USP30: variants seen among roughly 807,000 people sequenced by gnomAD.
USP30 encodes the protein ubiquitin specific peptidase 30, also known as ubiquitin carboxyl-terminal hydrolase 30.
USP30 carries 41 observed loss-of-function variants against 68.2 expected under a neutral mutation model. The ratio of observed to expected loss-of-function variants is 0.60; its 90% CI spans 0.47 to 0.78. The LOEUF is 0.78. USP30 is among the 30% of genes least tolerant of loss of function. The pLI is 0.00. For missense variants in USP30, 522 were observed against 649.4 expected, an observed-to-expected ratio of 0.80 and a Z score of 2.13; for synonymous variants, 229 against 253.7, an observed-to-expected ratio of 0.90 and a Z score of 0.93.
chr12:109,034,321 A>C (rs545178467), intron 3 of USP30, among the ~76,000 whole-genome samples: 4 of 152,306 alleles, frequency 2.6e-5, no homozygotes, highest in African/African-American at 9.6e-5. Context: ...ATTCCATTGC[A>C]GTTAGAGAAC....
chr12:109,068,598 T>C lies in USP30; in HGVS notation c.480+971T>C, dbSNP rs1348706827. The stretch of plus-strand genomic sequence containing the variant: ...AAATACTTTTAAAATCCTCCTCTGG[T>C]AACTGGAATTATTTATCTACATTTT... On this transcript the variant is annotated intron_variant, in intron 4 of 12. Coordinates refer to ENST00000257548, the MANE Select transcript of USP30 (RefSeq NM_032663.5). 8.5e-5 allele frequency among the ~76,000 whole-genome samples: 13 copies of C among 152,230 alleles called. 1 individual carries two copies.
At chr12:109,081,291 T>G in intron 7 of USP30, 43 bp from the exon 8 acceptor site, 1 of 1,605,680 alleles carries the variant, frequency 6.2e-7, no homozygotes, top group Non-Finnish European at 8.5e-7. Flanking sequence ...AACTTTGAAC[T>G]AAGCCTAAAT....
intron 3 of USP30, among the ~76,000 whole-genome samples, chr12:109,028,360 T>G (rs1687238977): frequency 6.6e-6 from 1 of 152,146 alleles, no homozygotes. Flanking sequence ...AGCATGGCGC[T>G]GGCATCTGCT....
chr12:109,066,241 C>A, intron 3 of USP30, among the ~76,000 whole-genome samples: 1 of 109,914 alleles, frequency 9.1e-6, no homozygotes. Context: ...GAATGAGACC[C>A]TGTCTCAAAA....
At chr12:109,056,649 GAGGGAAGAC>G in intron 1 of USP30, 24 bp from the exon 2 acceptor site, 2 of 1,521,724 alleles carry the variant, frequency 1.3e-6, no homozygotes, top group Admixed American at 3.8e-5. Flanking sequence ...GTGTTTGTGT[GAGGGAAGAC>G]AGTAAACTTG....
chr12:109,041,885 T>A (rs1297764772), intron 3 of USP30, among the ~76,000 whole-genome samples: 1 of 152,086 alleles, frequency 6.6e-6, no homozygotes, highest in African/African-American at 2.4e-5. Flanking sequence ...AAAAATAGTT[T>A]GAATTACAAA....
intron 1 of USP30, among the ~76,000 whole-genome samples, chr12:109,053,230 C>T (rs866829475): frequency 1.3e-5 from 2 of 152,152 alleles, no homozygotes; most frequent in Admixed American, 1.3e-4. Context: ...CTGCGAGCCC[C>T]GCGTTTTGTT....
chr12:109,048,023 A>G (rs1377529728), upstream of USP30, among the ~76,000 whole-genome samples: 2 of 151,658 alleles, frequency 1.3e-5, no homozygotes, highest in Admixed American at 1.3e-4. Context: ...GGAGTTTTCC[A>G]GAGGCCGTAC....
intron 1 of USP30, among the ~76,000 whole-genome samples, chr12:109,055,400 A>ACATATATATATATATATATATATATATT (rs1555257267): frequency 8.2e-5 from 2 of 24,468 alleles, no homozygotes; most frequent in Non-Finnish European, 8.7e-5. Flanking sequence ...ATATATATAT[A>ACATATATATATATATATATATATATATT]TTTTTTTTTT....
intron 7 of USP30, among the ~76,000 whole-genome samples, chr12:109,077,868 A>G (rs1274671322): frequency 6.6e-6 from 1 of 151,750 alleles, no homozygotes; most frequent in Non-Finnish European, 1.5e-5. Flanking sequence ...ATGCAGTTTT[A>G]CCTTATCACA....
At chr12:109,023,749 C>T (rs375979876) in intron 1 of USP30, among the ~76,000 whole-genome samples, 2 of 150,736 alleles carry the variant, frequency 1.3e-5, no homozygotes, top group South Asian at 4.2e-4. Context: ...TTCTCTGCCT[C>T]GGCCTCCCAA....
chr12:109,046,264 G>T (rs1005725959), intron 3 of USP30, among the ~76,000 whole-genome samples: 5 of 151,640 alleles, frequency 3.3e-5, no homozygotes, highest in African/African-American at 1.2e-4. Flanking sequence ...ACCACACCTG[G>T]CTAATTTTTA....
intron 2 of USP30, chr12:109,025,122 A>C (rs2040435074): frequency 6.6e-6 from 1 of 152,206 alleles, no homozygotes; most frequent in African/African-American, 2.4e-5. Flanking sequence ...GCCCTTGGAC[A>C]TCAGAACTGC....
chr12:109,070,079 G>A lies in USP30; in HGVS notation c.481-1533G>A, dbSNP rs951818094. ...CATCAGCTTCTATTGTGTTTGCAGC[G>A]GGGAGCCACTAGAGGACTTTGAACT... is the stretch of plus-strand genomic sequence containing the variant. On this transcript the variant is annotated intron_variant, in intron 4 of 12. Coordinates refer to ENST00000257548, the MANE Select transcript of USP30 (RefSeq NM_032663.5). This position sits in a 1 kb window ranked among gnomAD's most constrained non-coding sequence, Gnocchi z 4.0. Among the ~76,000 whole-genome samples, 15 of 152,212 alleles carry A rather than the reference G, an allele frequency of 9.9e-5. No individual in the cohort carries two copies. In the East Asian group the frequency reaches 1.9e-3, roughly 20 times the overall value.
intron 3 of USP30, among the ~76,000 whole-genome samples, chr12:109,063,833 G>A (rs2041157158): frequency 6.6e-6 from 1 of 151,024 alleles, no homozygotes; most frequent in South Asian, 2.1e-4. Flanking sequence ...ATCTTTTTGG[G>A]AGAAATGTCT....
At chr12:109,054,481 A>T (rs1462496496) in intron 1 of USP30, among the ~76,000 whole-genome samples, 2 of 152,012 alleles carry the variant, frequency 1.3e-5, no homozygotes, top group Non-Finnish European at 2.9e-5. Flanking sequence ...AGATGGCACC[A>T]CTGCACTCCA....
chr12:109,085,044 C>T lies in USP30; in HGVS notation c.1260C>T (p.Pro420=), dbSNP rs969052318. The T allele has an allele frequency of 6.3e-7, 1 of 1,599,312 alleles. No individual in the cohort carries two copies. Among genetic ancestry groups the T allele is most frequent in the African/African-American group, 1.3e-5 (1 of 74,564 alleles). The change falls in exon 12 of 13, where the codon CCC becomes CCT. Residue 420 remains proline (P), a synonymous_variant. Coordinates refer to ENST00000257548, the MANE Select transcript of USP30 (RefSeq NM_032663.5). Reference sequence around the variant, plus strand: ...TGCCAACGCTGTCAGCGCCGATGCCCTTCCCTCTCCCAGTTGTTCCCGACT... The same window carrying T: ...TGCCAACGCTGTCAGCGCCGATGCCTTTCCCTCTCCCAGTTGTTCCCGACT... ...SLLPTLSAPM[P]FPLPVVPDYS... is the part of the protein sequence containing the mutation.
chr12:109,056,709 T>C lies in USP30; in HGVS notation c.111T>C (p.Val37=), dbSNP rs2040887172. The change falls in exon 2 of 13, where the codon GTT becomes GTC. Residue 37 remains valine, a synonymous_variant. Coordinates refer to ENST00000257548, the MANE Select transcript of USP30 (RefSeq NM_032663.5). ...ATAAAGTCATGAAGAACTGGGGAGT[T>C]ATAGGTGGAATTGCTGCTGCTCTTG... The part of the protein sequence containing the change: ...VRYKVMKNWG[V]IGGIAAALAA... 1 of 1,611,920 alleles carries C rather than the reference T, an allele frequency of 6.2e-7. No homozygotes were observed. Among genetic ancestry groups the C allele is most frequent in the African/African-American group, 1.3e-5 (1 of 74,802 alleles).
chr12:109,055,381 T>TATATATATATATATATAC, intron 1 of USP30, among the ~76,000 whole-genome samples: 1 of 46,254 alleles, frequency 2.2e-5, no homozygotes, highest in East Asian at 2.6e-3. Flanking sequence ...TATATATACA[T>TATATATATATATATATAC]ATATATATAT....
Sources: allele counts gnomAD v4.1 joint callset (sites outside exome capture counted in the v4.1 genomes callset), GRCh38; gene constraint gnomAD v4.1.1; non-coding constraint Gnocchi (gnomAD v3.1); transcripts MANE v1.5; gene names NCBI Gene and HGNC (gene_info 2026-07-23, HGNC 2026-07-21).